Variants in ZNF430 observed in about 807,000 individuals in gnomAD.
ZNF430 encodes zinc finger protein 430.
Under a neutral mutation model 56.7 loss-of-function variants are expected in ZNF430, and 35 were observed. The observed-to-expected ratio is 0.62, with a 90% CI of 0.47 to 0.82. ZNF430 has a LOEUF of 0.82. Among genes scored for constraint, ZNF430 ranks in the 40% least tolerant of loss-of-function variants. The pLI is 0.00. For missense variants in ZNF430, 574 were observed against 661.0 expected (o/e 0.87, Z 1.44); for synonymous variants, 212 against 224.3 (o/e 0.94, Z 0.49).
In ZNF430 at chr19:21,027,541, A is replaced by C. The variant is rs1301322826; in HGVS notation, c.96+4660A>C. On this transcript the variant is annotated intron_variant, in intron 2 of 4. Transcript: ENST00000261560. Reference sequence around the variant, plus strand: ...GATGTTCTTCTGAATTCAGTTTCCCAGTATTTTGTTGATGGTATTTTCATC... The same window carrying C: ...GATGTTCTTCTGAATTCAGTTTCCCCGTATTTTGTTGATGGTATTTTCATC... Among the ~76,000 whole-genome samples the C allele has an allele frequency of 2.6e-5, 4 of 151,862 alleles. No individual in the cohort carries two copies. In the South Asian group the frequency reaches 8.3e-4, roughly 32 times the overall value.
At position 21,040,866 on chromosome 19, in the gene ZNF430, A is replaced by G. The variant is rs576256863; in HGVS notation, c.322+6682A>G. On this transcript the variant is annotated intron_variant, in intron 4 of 4. Coordinates refer to ENST00000261560, the MANE Select transcript of ZNF430 (RefSeq NM_025189.4). ...ATATAAACATAAATAGATAGATATG[A>G]TAGTTATAGATTCTTGACCCATTTG... Among the ~76,000 whole-genome samples, 12 of 152,276 alleles carry G rather than the reference A, an allele frequency of 7.9e-5. No homozygotes were observed. In the South Asian group the frequency reaches 1.4e-3, roughly 18 times the overall value.
intron 2 of ZNF430, among the ~76,000 whole-genome samples, chr19:21,024,150 C>G (rs1327727749): frequency 6.6e-6 from 1 of 151,992 alleles, no homozygotes; most frequent in Non-Finnish European, 1.5e-5. Context: ...TTCTGGGGAG[C>G]CTCCCCTGCA....
chr19:21,040,864 T>A (rs909078711), intron 4 of ZNF430, among the ~76,000 whole-genome samples: 2 of 152,194 alleles, frequency 1.3e-5, no homozygotes, highest in Non-Finnish European at 2.9e-5. Flanking sequence ...TAGATAGATA[T>A]GATAGTTATA....
rs140991691 is a variant in ZNF430 at position 21,055,510 on chromosome 19, G to T, written c.323-1121G>T. 2.3e-3 allele frequency among the ~76,000 whole-genome samples: 355 copies of T among 151,612 alleles called. 2 individuals are homozygous for T. The highest frequency in any genetic ancestry group is 8.0e-3 in the African/African-American group (332 of 41,286). On this transcript the variant is annotated intron_variant, in intron 4 of 4. Coordinates refer to ENST00000261560, the MANE Select transcript of ZNF430 (RefSeq NM_025189.4). ...GTCTCCCAGACTGGAGTGCAGTGGC[G>T]CAATCTCGGCTCACTGCACCCTCCG...
chr19:21,042,909 G>A (rs1283503110), intron 4 of ZNF430, among the ~76,000 whole-genome samples: 2 of 152,038 alleles, frequency 1.3e-5, no homozygotes, highest in Non-Finnish European at 2.9e-5. Context: ...TTGTTTCTTG[G>A]CCACATAAAT....
chr19:21,030,907 G>A (rs1162161424), intron 2 of ZNF430, among the ~76,000 whole-genome samples: 1 of 152,086 alleles, frequency 6.6e-6, no homozygotes, highest in African/African-American at 2.4e-5. Context: ...TTTTGAGACA[G>A]GATCTCACTC....
chr19:21,057,075 C>T lies in ZNF430; in HGVS notation c.767C>T (p.Thr256Ile), dbSNP rs1477055559. ...STLTRHRRIHTGEKPYKCEQC... is the reference protein window; with the variant it reads ...STLTRHRRIHIGEKPYKCEQC... ...CTTACTAGACACAGAAGAATTCATA[C>T]TGGAGAGAAACCCTACAAATGTGAA... Residue 256 changes from threonine to isoleucine, a missense_variant, in exon 5 of 5, where the codon ACT becomes ATT. Around this residue, in one of 3 missense-constraint regions of ZNF430, gnomAD observed 346 missense variants for 399.1 expected, o/e 0.87. Transcript: ENST00000261560. 1 of 1,613,968 alleles carries T rather than the reference C, an allele frequency of 6.2e-7. No homozygotes were observed. The highest frequency in any genetic ancestry group is 2.2e-5 in the East Asian group (1 of 44,886).
At chr19:21,035,513 G>GT (rs1383308845) in intron 4 of ZNF430, 1 of 203,460 alleles carries the variant, frequency 4.9e-6, no homozygotes, top group Non-Finnish European at 1.0e-5. Context: ...TTTTAAAAAT[G>GT]TTTTTGACTC....
At chr19:21,028,032 G>A (rs1285243312) in intron 2 of ZNF430, among the ~76,000 whole-genome samples, 2 of 152,160 alleles carry the variant, frequency 1.3e-5, no homozygotes, top group Non-Finnish European at 2.9e-5. Context: ...TCCACTTGCT[G>A]TAACACCCAA....
chr19:21,048,805 C>T (rs9941493), intron 4 of ZNF430, among the ~76,000 whole-genome samples: 7,537 of 151,038 alleles, frequency 0.05, 576 homozygotes, highest in African/African-American at 0.17. Context: ...GCTGGCCGGG[C>T]GGGTGCTGGC....
Position 21,056,664 on chromosome 19 carries a change from C to T in ZNF430, c.356C>T (p.Pro119Leu). The T allele has an allele frequency of 1.9e-6, 3 of 1,552,494 alleles. No homozygotes were observed. The highest frequency in any genetic ancestry group is 2.6e-6 in the Non-Finnish European group (3 of 1,150,784). ...TYSHFAQDLW[P>L]EQGIKDSFQE... is the part of the protein sequence containing the mutation. ...TCTCATTTTGCCCAAGACCTTTGGC[C>T]AGAGCAGGGCATAAAAGATTCTTTC... Residue 119 changes from proline (P) to leucine (L), a missense_variant, in exon 5 of 5, where the codon CCA (proline) becomes CTA (leucine). Coordinates refer to ENST00000261560, the MANE Select transcript of ZNF430 (RefSeq NM_025189.4).
At chr19:21,022,701 T>C (rs1295422334) in intron 1 of ZNF430, 88 bp from the exon 2 acceptor site, 2 of 958,612 alleles carry the variant, frequency 2.1e-6, no homozygotes, top group Non-Finnish European at 3.4e-6. Context: ...GTTTCAGTAT[T>C]GTCTGGGGAT....
intron 2 of ZNF430, among the ~76,000 whole-genome samples, chr19:21,027,810 A>G (rs1012027693): frequency 5.3e-5 from 8 of 152,028 alleles, no homozygotes; most frequent in Non-Finnish European, 1.0e-4. Context: ...TACTAATTCA[A>G]TTTTGGAGCT....
intron 4 of ZNF430, among the ~76,000 whole-genome samples, chr19:21,038,183 G>A (rs1209124012): frequency 6.6e-5 from 10 of 151,666 alleles, no homozygotes; most frequent in Non-Finnish European, 1.5e-4. Flanking sequence ...GTTTTTTTAT[G>A]TCTAAGTATT....
intron 4 of ZNF430, 117 bp from the exon 5 acceptor site, chr19:21,056,514 A>G (rs1599510739): frequency 1.1e-5 from 8 of 695,658 alleles, no homozygotes; most frequent in Non-Finnish European, 1.7e-5. Context: ...TAGGGCCTTT[A>G]TTATTTTGCT....
chr19:21,022,959 T>A, intron 2 of ZNF430, 78 bp downstream of exon 2: 1 of 1,068,118 alleles, frequency 9.4e-7, no homozygotes, highest in Non-Finnish European at 1.5e-6. Flanking sequence ...GGTCAACCAA[T>A]CAGACTGTGG....
chr19:21,026,471 G>A (rs1178705862), intron 2 of ZNF430, among the ~76,000 whole-genome samples: 1 of 152,190 alleles, frequency 6.6e-6, no homozygotes, highest in Non-Finnish European at 1.5e-5. Context: ...ACAGGCGTGA[G>A]CCACCGTGCC....
Position 21,058,192 on chromosome 19 carries a change from C to A in ZNF430, c.*171C>A, listed in dbSNP as rs1261378326. 2 of 644,656 alleles carry A rather than the reference C, an allele frequency of 3.1e-6. No homozygotes were observed. The highest frequency in any genetic ancestry group is 5.2e-6 in the Non-Finnish European group (2 of 384,946). The allele number at this position is 644,656 out of a possible 1,614,324, so 39.9% of individuals were successfully genotyped here. ...GGGTGCGGTGGCTCACACCTGTAATCCCAGCACTTTGGGAGGCTGAGACGG... is the reference window on the plus strand; with the variant it reads ...GGGTGCGGTGGCTCACACCTGTAATACCAGCACTTTGGGAGGCTGAGACGG... On this transcript the variant is annotated 3_prime_UTR_variant, in exon 5 of 5. Transcript: ENST00000261560.
At chr19:21,042,995 G>A (rs1568589138) in intron 4 of ZNF430, among the ~76,000 whole-genome samples, 1 of 152,112 alleles carries the variant, frequency 6.6e-6, no homozygotes, top group African/African-American at 2.4e-5. Context: ...ATTTGCTTAA[G>A]TTCCTTTTAG....
Sources: gnomAD v4.1 joint callset for allele counts (sites outside exome capture counted in the v4.1 genomes callset) on GRCh38, gnomAD v4.1.1 for gene constraint, gnomAD v4.1.1 regional missense constraint, MANE v1.5 for transcripts, NCBI Gene and HGNC (gene_info 2026-07-23, HGNC 2026-07-21) for gene names.